Variants in PBX1 observed in about 807,000 individuals in gnomAD.
The protein encoded by PBX1 is PBX homeobox 1.
A neutral mutation model predicts 53.4 loss-of-function variants in PBX1; 6 were observed. That is an observed-to-expected ratio of 0.11 (90% CI 0.06 to 0.22). PBX1 has a LOEUF of 0.22. PBX1 is among the 10% of genes least tolerant of loss of function. The pLI, the probability that PBX1 is intolerant of heterozygous loss-of-function variation, is 1.00. For synonymous variants in PBX1, 204 were observed against 212.3 expected (o/e 0.96, Z 0.34); for missense variants, 251 against 551.4 (o/e 0.46, Z 5.46).
At chr1:164,629,248 G>T (rs538021535) in intron 2 of PBX1, among the ~76,000 whole-genome samples, 2 of 152,286 alleles carry the variant, frequency 1.3e-5, no homozygotes, top group East Asian at 1.9e-4. Context: ...AAATGTTAGT[G>T]TTAAGCATTT....
At chr1:164,634,705 AT>A (rs1393865084) in intron 2 of PBX1, among the ~76,000 whole-genome samples, 1 of 152,192 alleles carries the variant, frequency 6.6e-6, no homozygotes, top group Non-Finnish European at 1.5e-5. Context: ...TTTACCCAGC[AT>A]AATTGGGCAA....
chr1:164,565,156 C>T (rs1653343906), intron 2 of PBX1, among the ~76,000 whole-genome samples: 1 of 151,846 alleles, frequency 6.6e-6, no homozygotes, highest in Non-Finnish European at 1.5e-5. Flanking sequence ...AATAGAGATC[C>T]GGTTCAGGTG....
At chr1:164,868,165 A>G (rs1261439711) in intron 2 of PBX1, among the ~76,000 whole-genome samples, 1 of 152,222 alleles carries the variant, frequency 6.6e-6, no homozygotes, top group East Asian at 1.9e-4. Flanking sequence ...TACCAGGCTA[A>G]GAAAATGGCT....
chr1:164,598,026 A>G (rs1223235044), intron 2 of PBX1, among the ~76,000 whole-genome samples: 1 of 152,066 alleles, frequency 6.6e-6, no homozygotes. Context: ...TGGCTCTGGC[A>G]TTTGGTGAGG....
intron 2 of PBX1, among the ~76,000 whole-genome samples, chr1:164,754,814 T>TAA (rs1666424540): frequency 1.3e-5 from 2 of 152,328 alleles, no homozygotes; most frequent in South Asian, 4.1e-4. Flanking sequence ...AAGTTTAACT[T>TAA]ACCTAGAAGT....
chr1:164,843,946 A>G (rs936933111), intron 8 of PBX1, among the ~76,000 whole-genome samples: 9 of 152,144 alleles, frequency 5.9e-5, no homozygotes, highest in Non-Finnish European at 5.9e-5. Flanking sequence ...TAATGGAATT[A>G]TGGCATGGCT....
intron 2 of PBX1, among the ~76,000 whole-genome samples, chr1:164,757,933 A>G (rs1046455895): frequency 6.6e-6 from 1 of 152,190 alleles, no homozygotes; most frequent in African/African-American, 2.4e-5. Flanking sequence ...TAGTGTTTTC[A>G]CTAAAACACT....
At chr1:164,724,265 C>T (rs1664563044) in intron 2 of PBX1, among the ~76,000 whole-genome samples, 1 of 152,150 alleles carries the variant, frequency 6.6e-6, no homozygotes, top group African/African-American at 2.4e-5. Flanking sequence ...TACTGAGCTT[C>T]CAGGCCCATG....
At chr1:164,636,381 G>C (rs1458027287) in intron 2 of PBX1, among the ~76,000 whole-genome samples, 1 of 152,144 alleles carries the variant, frequency 6.6e-6, no homozygotes, top group African/African-American at 2.4e-5. Flanking sequence ...CATGAGCCCA[G>C]CTTGTTTGTT....
intron 2 of PBX1, among the ~76,000 whole-genome samples, chr1:164,789,295 A>G (rs1302142558): frequency 6.6e-6 from 1 of 152,190 alleles, no homozygotes; most frequent in African/African-American, 2.4e-5. Flanking sequence ...GACTATTTTA[A>G]AAAGATGGTG....
chr1:164,665,704 A>G (rs1319293814), intron 2 of PBX1, among the ~76,000 whole-genome samples: 3 of 152,152 alleles, frequency 2.0e-5, no homozygotes, highest in Non-Finnish European at 4.4e-5. Context: ...CACTGGAAAC[A>G]CCTCTACCTC....
intron 2 of PBX1, among the ~76,000 whole-genome samples, chr1:164,754,763 T>C (rs930417496): frequency 4.6e-5 from 7 of 152,206 alleles, no homozygotes; most frequent in African/African-American, 9.7e-5. Flanking sequence ...TCGTGATTTT[T>C]TTGTGTTAAG....
chr1:164,594,333 C>T (rs10918049), intron 2 of PBX1, among the ~76,000 whole-genome samples: 65,914 of 152,000 alleles, frequency 0.43, 14,873 homozygotes, highest in African/African-American at 0.51. Flanking sequence ...TTGCTTTTGT[C>T]GACCAGGCTC....
chr1:164,861,067 G>A (rs1305951324), intron 2 of PBX1, among the ~76,000 whole-genome samples: 1 of 151,672 alleles, frequency 6.6e-6, no homozygotes, highest in African/African-American at 2.4e-5. Flanking sequence ...ACAGAGAAGG[G>A]AGGAAAAGAT....
intron 2 of PBX1, among the ~76,000 whole-genome samples, chr1:164,785,987 G>A (rs773053527): frequency 6.6e-6 from 1 of 152,166 alleles, no homozygotes; most frequent in Non-Finnish European, 1.5e-5. Flanking sequence ...GATTTGATAA[G>A]GCAGATTTGA....
At chr1:164,689,342 T>G (rs1405054278) in intron 2 of PBX1, among the ~76,000 whole-genome samples, 2 of 152,154 alleles carry the variant, frequency 1.3e-5, no homozygotes, top group Non-Finnish European at 2.9e-5. Flanking sequence ...TTCTTTTTTT[T>G]TTCCTCCAGA....
chr1:164,720,876 C>T lies in PBX1; in HGVS notation c.266-71618C>T, dbSNP rs116481004. Among the ~76,000 whole-genome samples, 1,055 of 152,266 alleles carry T rather than the reference C, an allele frequency of 6.9e-3. 15 individuals carry two copies. Among genetic ancestry groups the T allele is most frequent in the African/African-American group, 0.024 (1,008 of 41,538 alleles). ...AGGGAGGGCTTCCTCTGTACTGGAACTGTGGTTGACTTAGGGTTTCTGCGG... is the reference window on the plus strand; with the variant it reads ...AGGGAGGGCTTCCTCTGTACTGGAATTGTGGTTGACTTAGGGTTTCTGCGG... On this transcript the variant is annotated intron_variant, in intron 2 of 8. Coordinates refer to ENST00000420696, the MANE Select transcript of PBX1 (RefSeq NM_002585.4).
rs192177947 is a variant in PBX1 at position 164,687,848 on chromosome 1, A to T, written c.266-104646A>T. ...TATGCAGAAACTGGACTTAGCACTC[A>T]CTTAAAGAAGAAATAACTTTGATAA... On this transcript the variant is annotated intron_variant, in intron 2 of 8. Transcript: ENST00000420696. Among the ~76,000 whole-genome samples, 220 of 152,284 alleles carry T rather than the reference A, an allele frequency of 1.4e-3. 5 individuals are homozygous for T. The Middle Eastern group carries it at 0.041, about 28-fold the overall frequency.
intron 8 of PBX1, 26 bp downstream of exon 8, chr1:164,821,652 CT>C: frequency 6.3e-7 from 1 of 1,580,470 alleles, no homozygotes; most frequent in Non-Finnish European, 8.7e-7. Context: ...CCCCCACCCC[CT>C]GCTTTGTTTT....
Sources: gnomAD v4.1 joint callset for allele counts (sites outside exome capture counted in the v4.1 genomes callset) on GRCh38, gnomAD v4.1.1 for gene constraint, MANE v1.5 for transcripts, NCBI Gene and HGNC (gene_info 2026-07-23, HGNC 2026-07-21) for gene names.